DENND1A: variants seen among roughly 807,000 people sequenced by gnomAD.
DENND1A encodes DENN domain-containing protein 1A.
DENND1A carries 51 observed loss-of-function variants against 113.7 expected under a neutral mutation model. The ratio of observed to expected loss-of-function variants is 0.45; its 90% CI spans 0.36 to 0.57. The LOEUF (loss-of-function observed/expected upper bound fraction) is 0.57, where lower values mean the gene tolerates loss of function less well. Among genes scored for constraint, DENND1A ranks in the 20% least tolerant of loss-of-function variants. The pLI, the probability that DENND1A is intolerant of heterozygous loss-of-function variation, is 0.00. For synonymous variants in DENND1A, 565 were observed against 570.8 expected (o/e 0.99, Z 0.14); for missense variants, 1,258 against 1,395.9 (o/e 0.90, Z 1.57).
At chr9:123,428,215 G>T (rs1335630882) in intron 19 of DENND1A, among the ~76,000 whole-genome samples, 2 of 152,174 alleles carry the variant, frequency 1.3e-5, no homozygotes, top group Non-Finnish European at 2.9e-5. Flanking sequence ...GATCAAGTTG[G>T]CTTCATCCCC....
At chr9:123,650,204 T>C (rs2062568847) in intron 9 of DENND1A, among the ~76,000 whole-genome samples, 1 of 151,958 alleles carries the variant, frequency 6.6e-6, no homozygotes, top group Non-Finnish European at 1.5e-5. Context: ...TGGTGTAAAA[T>C]AAAATGTAAA....
At chr9:123,891,614 T>C (rs1283384267) in intron 1 of DENND1A, among the ~76,000 whole-genome samples, 1 of 152,226 alleles carries the variant, frequency 6.6e-6, no homozygotes, top group East Asian at 1.9e-4. Context: ...TTAGAAGACC[T>C]TGAAATATAC....
intron 9 of DENND1A, among the ~76,000 whole-genome samples, chr9:123,639,075 G>GA (rs1423357730): frequency 6.3e-5 from 6 of 95,404 alleles, no homozygotes; most frequent in East Asian, 3.1e-4. Context: ...AAGAAAGAAA[G>GA]AAAAAAAAAG....
intron 11 of DENND1A, among the ~76,000 whole-genome samples, chr9:123,590,500 T>TG (rs2059405451): frequency 6.6e-6 from 1 of 152,132 alleles, no homozygotes. Flanking sequence ...CCTTGATAAA[T>TG]GGGGGATGAT....
chr9:123,611,139 T>C (rs1407737421), intron 10 of DENND1A, among the ~76,000 whole-genome samples: 2 of 152,254 alleles, frequency 1.3e-5, no homozygotes, highest in African/African-American at 2.4e-5. Context: ...GAAAGAACTA[T>C]ACACACAATT....
chr9:123,616,254 C>G (rs943056653), intron 10 of DENND1A, among the ~76,000 whole-genome samples: 3 of 152,160 alleles, frequency 2.0e-5, no homozygotes, highest in African/African-American at 7.2e-5. Flanking sequence ...AAAAGGTATT[C>G]TCAAAAACGT....
At chr9:123,802,199 C>A (rs13299787) in intron 2 of DENND1A, among the ~76,000 whole-genome samples, 2 of 152,232 alleles carry the variant, frequency 1.3e-5, no homozygotes, top group South Asian at 2.1e-4. Flanking sequence ...TTACTGCAAC[C>A]GAATGCTCAC....
chr9:123,382,072 G>A lies in DENND1A; in HGVS notation c.2573C>T (p.Thr858Ile). 2 of 1,517,422 alleles carry A rather than the reference G, an allele frequency of 1.3e-6. No homozygotes were observed. Among genetic ancestry groups the A allele is most frequent in the Admixed American group, 4.4e-5 (2 of 45,450 alleles). 94.0% of individuals were successfully genotyped at this position (1,517,422 alleles called of 1,614,324 possible). ...DPLSTAWSGS[T>I]LPSRPATPNV... ...CGGGGTGGCGGGGCGTGACGGGAGG[G>A]TGCTGCCTGACCAGGCTGTGCTGAG... The change falls in exon 24 of 24, where the codon ACC (threonine) becomes ATC (isoleucine). Residue 858 changes from threonine to isoleucine, a missense_variant. By Grantham distance (89) the Thr-to-Ile change is moderately conservative (BLOSUM62 -1). Around this residue, in one of 2 missense-constraint regions of DENND1A, gnomAD observed 1,159 missense variants for 1,231.7 expected, o/e 0.94. Transcript: ENST00000394215.
intron 5 of DENND1A, among the ~76,000 whole-genome samples, chr9:123,710,566 T>C (rs1469800567): frequency 1.7e-5 from 2 of 118,074 alleles, no homozygotes; most frequent in African/African-American, 6.9e-5. Flanking sequence ...CACACTGGCA[T>C]CATACAAATT....
At chr9:123,485,665 C>T (rs1236447817) in intron 13 of DENND1A, 3 of 24,164 alleles carry the variant, frequency 1.2e-4, no homozygotes, top group Non-Finnish European at 3.0e-4. Flanking sequence ...CGCACACACA[C>T]ACACACACAC....
In DENND1A at chr9:123,679,548, T is replaced by C. The variant is rs530355782; in HGVS notation, c.303-2759A>G. ...GGACACAACTGTTCCCCACATGTTG[T>C]CCCCTGTACACTCACAGATGAATAT... On this transcript the variant is annotated intron_variant, in intron 5 of 23. Coordinates refer to ENST00000394215, the MANE Select transcript of DENND1A (RefSeq NM_001352964.2). Among the ~76,000 whole-genome samples the C allele has an allele frequency of 2.7e-3, 412 of 152,314 alleles. 4 individuals carry two copies. The highest frequency in any genetic ancestry group is 4.7e-3 in the Non-Finnish European group (318 of 68,020).
intron 12 of DENND1A, among the ~76,000 whole-genome samples, chr9:123,571,064 C>A (rs914326556): frequency 1.3e-5 from 2 of 152,088 alleles, no homozygotes; most frequent in African/African-American, 4.8e-5. Context: ...AAGGCATTAA[C>A]CTTGCCAACC....
rs558809288 is a variant in DENND1A at position 123,505,701 on chromosome 9, C to A, written c.994-47804G>T. Among the ~76,000 whole-genome samples, 13 of 152,238 alleles carry A rather than the reference C, an allele frequency of 8.5e-5. No homozygotes were observed. The South Asian group carries it at 2.7e-3, about 32-fold the overall frequency. On this transcript the variant is annotated intron_variant, in intron 13 of 23. Transcript: ENST00000394215. ...CCTGAGCTTTATGGCTGAACCGGAA[C>A]GTGAAATATTCCATTACACAACCGT...
At chr9:123,558,312 C>T (rs994349243) in intron 12 of DENND1A, among the ~76,000 whole-genome samples, 2 of 152,120 alleles carry the variant, frequency 1.3e-5, no homozygotes, top group African/African-American at 2.4e-5. Flanking sequence ...CATTCTATCC[C>T]CTCTTAAAGC....
At chr9:123,484,840 A>C (rs1190281507) in intron 13 of DENND1A, among the ~76,000 whole-genome samples, 1 of 152,172 alleles carries the variant, frequency 6.6e-6, no homozygotes, top group Non-Finnish European at 1.5e-5. Flanking sequence ...CACACTGGCC[A>C]TGGAGCCCAG....
intron 5 of DENND1A, among the ~76,000 whole-genome samples, chr9:123,737,857 TGCCATTTGG>T (rs2068689429): frequency 6.6e-6 from 1 of 152,216 alleles, no homozygotes; most frequent in Non-Finnish European, 1.5e-5. Flanking sequence ...GTAAATGGAC[TGCCATTTGG>T]GAGCTGTTAT....
At chr9:123,401,479 T>C in intron 21 of DENND1A, 1 of 1,181,128 alleles carries the variant, frequency 8.5e-7, no homozygotes, top group Non-Finnish European at 1.1e-6. Context: ...AATGATGTCC[T>C]GAAACGTACC....
rs181079885 is a variant in DENND1A, at chr9:123,419,990, G to A, written c.1489-8161C>T. 3.3e-4 allele frequency among the ~76,000 whole-genome samples: 51 copies of A among 152,344 alleles called. 1 individual carries two copies. Among genetic ancestry groups the A allele is most frequent in the Middle Eastern group, 3.4e-3 (1 of 294 alleles). On this transcript the variant is annotated intron_variant, in intron 19 of 23. Coordinates refer to ENST00000394215, the MANE Select transcript of DENND1A (RefSeq NM_001352964.2). ...ATGCTCCTTGCCTGAGCCACTCAGC[G>A]GGGCACCCAGAGGAAATGTGGGGAT... is the stretch of plus-strand genomic sequence containing the variant.
intron 23 of DENND1A, 52 bp from the exon 24 acceptor site, chr9:123,382,677 T>C: frequency 1.3e-6 from 2 of 1,573,334 alleles, no homozygotes; most frequent in Non-Finnish European, 1.7e-6. Flanking sequence ...TTGGGACATA[T>C]GTGTGCCCAT....
Sources: gnomAD v4.1 joint callset for allele counts (sites outside exome capture counted in the v4.1 genomes callset) on GRCh38, gnomAD v4.1.1 for gene constraint, gnomAD v4.1.1 regional missense constraint, MANE v1.5 for transcripts, NCBI Gene and HGNC (gene_info 2026-07-23, HGNC 2026-07-21) for gene names.